The following ERBB4 variants were observed in gnomAD, a reference collection of about 807,000 sequenced individuals.
ERBB4 encodes receptor tyrosine-protein kinase erbB-4.
A neutral mutation model predicts 158.0 loss-of-function variants in ERBB4; 42 were observed. The ratio of observed to expected loss-of-function variants is 0.27; its 90% confidence interval spans 0.21 to 0.34. The LOEUF is 0.34. Ranked by LOEUF, ERBB4 falls within the 10% of genes least tolerant of loss-of-function variation. The pLI, the probability that ERBB4 is intolerant of heterozygous loss-of-function variation, is 1.00. For missense variants in ERBB4, 1,333 were observed against 1,624.1 expected, an observed-to-expected ratio of 0.82 and a Z score of 3.08; for synonymous variants, 583 against 558.7, an observed-to-expected ratio of 1.04 and a Z score of -0.61.
intron 2 of ERBB4, among the ~76,000 whole-genome samples, chr2:211,955,864 T>A (rs976617291): frequency 6.6e-6 from 1 of 152,202 alleles, no homozygotes; most frequent in African/African-American, 2.4e-5. Context: ...ATTCTTTTTT[T>A]AAATAAACTC....
At chr2:211,756,170 G>T (rs1244140053) in intron 4 of ERBB4, among the ~76,000 whole-genome samples, 1 of 152,028 alleles carries the variant, frequency 6.6e-6, no homozygotes, top group Admixed American at 6.6e-5. Flanking sequence ...GAGGTTTTAG[G>T]GTCCAGGAAA....
chr2:212,393,907 G>C (rs2090951078), intron 1 of ERBB4, among the ~76,000 whole-genome samples: 2 of 152,044 alleles, frequency 1.3e-5, no homozygotes, highest in Non-Finnish European at 2.9e-5. Context: ...ATGCAAAAAT[G>C]CCTCCCATTT....
At chr2:212,374,348 A>G (rs1394980091) in intron 1 of ERBB4, among the ~76,000 whole-genome samples, 1 of 151,846 alleles carries the variant, frequency 6.6e-6, no homozygotes, top group Non-Finnish European at 1.5e-5. Flanking sequence ...AGGAATAATA[A>G]ATAACAAAAA....
chr2:211,580,786 TGATA>T (rs1424665439), intron 19 of ERBB4, among the ~76,000 whole-genome samples: 3 of 18,996 alleles, frequency 1.6e-4, no homozygotes, highest in Non-Finnish European at 2.4e-4. Flanking sequence ...AAAGAAATTG[TGATA>T]TATATATATA....
chr2:211,412,295 C>T (rs2063278717), intron 25 of ERBB4, among the ~76,000 whole-genome samples: 1 of 152,064 alleles, frequency 6.6e-6, no homozygotes, highest in Admixed American at 6.5e-5. Flanking sequence ...AACAAAAACA[C>T]ATTTCTTCAC....
intron 3 of ERBB4, among the ~76,000 whole-genome samples, chr2:211,877,997 A>C (rs2078554734): frequency 6.6e-6 from 1 of 152,182 alleles, no homozygotes; most frequent in Non-Finnish European, 1.5e-5. Flanking sequence ...AATCCCAGCT[A>C]TTCAGGAGGC....
chr2:211,781,877 A>T (rs1244976478), intron 4 of ERBB4, among the ~76,000 whole-genome samples: 1 of 152,160 alleles, frequency 6.6e-6, no homozygotes, highest in Non-Finnish European at 1.5e-5. Flanking sequence ...TGGGGCTTCA[A>T]AGCTGTCCTC....
chr2:212,203,964 C>T (rs114526999), intron 1 of ERBB4, among the ~76,000 whole-genome samples: 196 of 152,322 alleles, frequency 1.3e-3, no homozygotes, highest in African/African-American at 4.5e-3. Flanking sequence ...GTATTCATCC[C>T]TTCTTATTTT....
intron 1 of ERBB4, among the ~76,000 whole-genome samples, chr2:212,316,605 T>C (rs1411142419): frequency 6.6e-6 from 1 of 151,498 alleles, no homozygotes; most frequent in East Asian, 2.0e-4. Flanking sequence ...TGCACCCAGA[T>C]AGTCCCTGGC....
intron 1 of ERBB4, among the ~76,000 whole-genome samples, chr2:212,478,031 T>C (rs957656522): frequency 6.6e-6 from 1 of 152,170 alleles, no homozygotes; most frequent in African/African-American, 2.4e-5. Context: ...TTAGAAAGCT[T>C]TGACCATGGC....
At chr2:212,266,471 G>A (rs1170877897) in intron 1 of ERBB4, among the ~76,000 whole-genome samples, 4 of 151,812 alleles carry the variant, frequency 2.6e-5, no homozygotes, top group African/African-American at 9.7e-5. Flanking sequence ...TTTCTTAGTG[G>A]GCTCTAAAGA....
intron 2 of ERBB4, among the ~76,000 whole-genome samples, chr2:212,117,675 A>G (rs115047272): frequency 1.1e-4 from 17 of 152,312 alleles, no homozygotes; most frequent in African/African-American, 4.1e-4. Context: ...CTGTATCTGA[A>G]AATGTTGCAC....
chr2:212,434,866 A>C lies in ERBB4; in HGVS notation c.82+103583T>G, dbSNP rs891015784. Among the ~76,000 whole-genome samples the C allele has an allele frequency of 1.5e-4, 23 of 152,040 alleles. 1 individual carries two copies. The highest frequency in any genetic ancestry group is 1.4e-3 in the Admixed American group (21 of 15,232). ...CCTGCCTATTGGATAAAAATGTAAA[A>C]TATCAACAAGTTTACTGCTCAACAT... On this transcript the variant is annotated intron_variant, in intron 1 of 27. Transcript: ENST00000342788.
intron 9 of ERBB4, among the ~76,000 whole-genome samples, chr2:211,707,383 G>A (rs1454847620): frequency 6.6e-6 from 1 of 152,076 alleles, no homozygotes; most frequent in East Asian, 1.9e-4. Flanking sequence ...AACTAAATTC[G>A]GAGCCATGCA....
intron 17 of ERBB4, among the ~76,000 whole-genome samples, chr2:211,626,311 A>C (rs2069840656): frequency 6.6e-6 from 1 of 152,204 alleles, no homozygotes; most frequent in Non-Finnish European, 1.5e-5. Flanking sequence ...TGGAAAAAAT[A>C]TGTTTTATAG....
intron 4 of ERBB4, among the ~76,000 whole-genome samples, chr2:211,751,715 G>A (rs1252246442): frequency 6.6e-6 from 1 of 152,090 alleles, no homozygotes; most frequent in African/African-American, 2.4e-5. Flanking sequence ...CTTGATTCAA[G>A]TTTTTAATTC....
At chr2:211,924,190 G>A (rs542988551) in intron 3 of ERBB4, among the ~76,000 whole-genome samples, 3 of 152,268 alleles carry the variant, frequency 2.0e-5, no homozygotes, top group African/African-American at 7.2e-5. Context: ...TCCAAAGGCT[G>A]TTGCTAGGAG....
In ERBB4 at chr2:211,535,005, T is replaced by C. The variant is rs1443450654; in HGVS notation, c.2487+26898A>G. The stretch of plus-strand genomic sequence containing the variant: ...GGGAAATTTATACTATGTCTAATTA[T>C]GGTCCAGAAAATATACATTCTAACT... On this transcript the variant is annotated intron_variant, in intron 20 of 27. Transcript: ENST00000342788. Among the ~76,000 whole-genome samples the C allele has an allele frequency of 5.3e-5, 8 of 152,072 alleles. No homozygotes were observed. In the East Asian group the frequency reaches 1.5e-3, roughly 29 times the overall value.
intron 12 of ERBB4, among the ~76,000 whole-genome samples, chr2:211,685,908 T>C (rs955249254): frequency 6.6e-6 from 1 of 152,208 alleles, no homozygotes; most frequent in Non-Finnish European, 1.5e-5. Context: ...TTTTAATTTC[T>C]ATGTCCCCAT....
Sources: gnomAD v4.1 joint callset for allele counts (sites outside exome capture counted in the v4.1 genomes callset) on GRCh38, gnomAD v4.1.1 for gene constraint, MANE v1.5 for transcripts, NCBI Gene and HGNC (gene_info 2026-07-23, HGNC 2026-07-21) for gene names.